ABCB9: variants seen among roughly 807,000 people sequenced by gnomAD.
ABCB9 encodes ABC-type oligopeptide transporter ABCB9.
ABCB9 carries 36 observed loss-of-function variants against 62.0 expected under a neutral mutation model. That is an observed-to-expected ratio of 0.58 (90% CI 0.45 to 0.77). The LOEUF (loss-of-function observed/expected upper bound fraction) is 0.77, where lower values mean the gene tolerates loss of function less well. Among genes scored for constraint, ABCB9 ranks in the 30% least tolerant of loss-of-function variants. The probability of loss-of-function intolerance (pLI) is 0.00; values close to 1 mark genes in which losing one functional copy is unlikely to be tolerated. For synonymous variants in ABCB9, 435 were observed against 461.4 expected (o/e 0.94, Z 0.73); for missense variants, 943 against 1,054.7 (o/e 0.89, Z 1.47).
At chr12:122,966,827 T>A (rs72559425), upstream of ABCB9, among the ~76,000 whole-genome samples, 4 of 152,326 alleles carry the variant, frequency 2.6e-5, no homozygotes, top group East Asian at 7.7e-4. Context: ...CCTTTTTCCC[T>A]GGAGGGACAG....
At chr12:122,955,375 G>A (rs917063090) in intron 2 of ABCB9, among the ~76,000 whole-genome samples, 2 of 152,188 alleles carry the variant, frequency 1.3e-5, no homozygotes, top group East Asian at 1.9e-4. Context: ...CCAGCAGGTC[G>A]GGTAAACAAG....
intron 10 of ABCB9, among the ~76,000 whole-genome samples, chr12:122,934,526 A>G (rs1160708520): frequency 6.6e-6 from 1 of 151,884 alleles, no homozygotes; most frequent in Non-Finnish European, 1.5e-5. Context: ...CCGTCTCTAC[A>G]ACAAAAATAA....
chr12:122,932,268 C>T lies in ABCB9; in HGVS notation c.1964G>A (p.Arg655Gln), dbSNP rs781448322. ...GGQKQRVAMA[R>Q]ALVRNPPVLI... ...GACTGGGGGGTTCCGCACCAGAGCC[C>T]GGGCCATGGCCACCCGCTGCTTCTG... Residue 655 changes from arginine (R) to glutamine (Q), a missense_variant, in exon 11 of 12, where the codon CGG becomes CAG. Coordinates refer to ENST00000280560, the MANE Select transcript of ABCB9 (RefSeq NM_019625.4). This position sits in a 1 kb window ranked among gnomAD's most constrained non-coding sequence, Gnocchi z 4.7. 2.3e-5 allele frequency: 35 copies of T among 1,551,390 alleles called. No homozygotes were observed. Among genetic ancestry groups the T allele is most frequent in the African/African-American group, 6.8e-5 (5 of 73,052 alleles).
downstream of ABCB9, chr12:122,924,430 TCATAGCC>T (rs1299307799): frequency 3.2e-6 from 1 of 311,808 alleles, no homozygotes; most frequent in African/African-American, 2.1e-5. Context: ...AGTGGCACGA[TCATAGCC>T]CATGGCAGCC....
chr12:122,929,822 G>T lies in ABCB9; in HGVS notation c.*89C>A, dbSNP rs1293839540. ...TCGTCTTTCAGTGCTGCAGGCCTGGGCTCGGAGGGCAGCTGGGGGCCTCCG... is the reference window on the plus strand; with the variant it reads ...TCGTCTTTCAGTGCTGCAGGCCTGGTCTCGGAGGGCAGCTGGGGGCCTCCG... On this transcript the variant is annotated 3_prime_UTR_variant, in exon 12 of 12. Transcript: ENST00000280560. This position sits in a 1 kb window ranked among gnomAD's most constrained non-coding sequence, Gnocchi z 6.0. The T allele has an allele frequency of 3.5e-6, 5 of 1,443,074 alleles. No homozygotes were observed. Among genetic ancestry groups the T allele is most frequent in the Admixed American group, 2.8e-5 (1 of 35,824 alleles). The allele number at this position is 1,443,074 out of a possible 1,614,324, so 89.4% of individuals were successfully genotyped here. A position where few individuals can be genotyped will look rare whatever the true frequency, so the allele number is the denominator to read the frequency against.
In ABCB9 at chr12:122,929,104, G is replaced by A. The variant is rs1236410728; in HGVS notation, c.*807C>T. 1.0e-6 allele frequency: 1 copy of A among 983,544 alleles called. No homozygotes were observed. Among genetic ancestry groups the A allele is most frequent in the Non-Finnish European group, 1.2e-6 (1 of 829,276 alleles). The allele number at this position is 983,544 out of a possible 1,614,324, so 60.9% of individuals were successfully genotyped here. A position where few individuals can be genotyped will look rare whatever the true frequency, so the allele number is the denominator to read the frequency against. On this transcript the variant is annotated 3_prime_UTR_variant, in exon 12 of 12. Coordinates refer to ENST00000280560, the MANE Select transcript of ABCB9 (RefSeq NM_019625.4). This position sits in a 1 kb window ranked among gnomAD's most constrained non-coding sequence, Gnocchi z 6.0. ...CATCCCATCCACCAAAGACAGAAGAGAATGCATCTCATGAACATCCACGTG... is the reference window on the plus strand; with the variant it reads ...CATCCCATCCACCAAAGACAGAAGAAAATGCATCTCATGAACATCCACGTG...
chr12:122,970,046 A>C (rs1241630745), upstream of ABCB9, among the ~76,000 whole-genome samples: 1 of 152,182 alleles, frequency 6.6e-6, no homozygotes, highest in African/African-American at 2.4e-5. Flanking sequence ...ATTTACGTCT[A>C]CAGAAACACC....
Position 122,947,541 on chromosome 12 carries a change from G to C in ABCB9, c.1053+1083C>G. 6.7e-6 allele frequency: 3 copies of C among 446,936 alleles called. No homozygotes were observed. The highest frequency in any genetic ancestry group is 3.3e-4 in the Middle Eastern group (1 of 3,008). 27.7% of individuals were successfully genotyped at this position (446,936 alleles called of 1,614,324 possible). Reference sequence around the variant, plus strand: ...TCTAGAAGTACCCCACGTGGGCCTGGGTGACTGTGAGGGGGTTGCCTGTAC... The same window carrying C: ...TCTAGAAGTACCCCACGTGGGCCTGCGTGACTGTGAGGGGGTTGCCTGTAC... On this transcript the variant is annotated intron_variant, in intron 5 of 11. Transcript: ENST00000280560. The surrounding 1 kb of genome is among the most constrained non-coding windows in gnomAD (Gnocchi z 6.0).
In ABCB9 at chr12:122,929,028, T is replaced by G; in HGVS notation, c.*883A>C. The G allele has an allele frequency of 2.0e-6, 2 of 985,882 alleles. No homozygotes were observed. The highest frequency in any genetic ancestry group is 2.4e-6 in the Non-Finnish European group (2 of 829,956). The allele number at this position is 985,882 out of a possible 1,614,324, so 61.1% of individuals were successfully genotyped here. On this transcript the variant is annotated 3_prime_UTR_variant, in exon 12 of 12. Coordinates refer to ENST00000280560, the MANE Select transcript of ABCB9 (RefSeq NM_019625.4). This position sits in a 1 kb window ranked among gnomAD's most constrained non-coding sequence, Gnocchi z 6.0. ...AGGTAGTACACTTTATTGACCGGGT[T>G]CTCTCAACATGTTGCAACCTCTGGC...
intron 2 of ABCB9, among the ~76,000 whole-genome samples, chr12:122,957,415 G>A (rs950172737): frequency 1.2e-4 from 18 of 152,144 alleles, no homozygotes; most frequent in African/African-American, 3.6e-4. Context: ...GAGGAGGGAA[G>A]TGAGGCTCAG....
At chr12:122,973,391 C>T (rs1289065816) in intron 1 of ABCB9, among the ~76,000 whole-genome samples, 18 of 148,076 alleles carry the variant, frequency 1.2e-4, no homozygotes, top group Non-Finnish European at 2.2e-4. Context: ...GGTGAAACCC[C>T]GTCTCTACTA....
At chr12:122,951,186 C>T (rs1004667062) in intron 2 of ABCB9, among the ~76,000 whole-genome samples, 1 of 151,718 alleles carries the variant, frequency 6.6e-6, no homozygotes, top group Non-Finnish European at 1.5e-5. Flanking sequence ...TGGAATCACC[C>T]CCATTTTACA....
intron 2 of ABCB9, chr12:122,952,213 T>C (rs1441807820): frequency 1.3e-5 from 2 of 152,286 alleles, no homozygotes; most frequent in African/African-American, 2.4e-5. Flanking sequence ...GTCTGTGGTA[T>C]TTTGTTACAG....
chr12:122,947,397 T>C lies in ABCB9; in HGVS notation c.1054-1175A>G. On this transcript the variant is annotated intron_variant, in intron 5 of 11. Coordinates refer to ENST00000280560, the MANE Select transcript of ABCB9 (RefSeq NM_019625.4). The surrounding 1 kb of genome is among the most constrained non-coding windows in gnomAD (Gnocchi z 6.0). ...GGGAGTGGCCTCACCGGGGGCTGGG[T>C]GGGAGATGGCTTCCTTTGCTACCCT... 1 of 408,250 alleles carries C rather than the reference T, an allele frequency of 2.4e-6. No individual in the cohort carries two copies. Among genetic ancestry groups the C allele is most frequent in the Non-Finnish European group, 5.0e-6 (1 of 198,914 alleles). 25.3% of individuals were successfully genotyped at this position (408,250 alleles called of 1,614,324 possible). A position where few individuals can be genotyped will look rare whatever the true frequency, so the allele number is the denominator to read the frequency against.
At position 122,940,886 on chromosome 12, in the gene ABCB9, G is replaced by A; in HGVS notation, c.1490C>T (p.Pro497Leu). 1 of 1,612,350 alleles carries A rather than the reference G, an allele frequency of 6.2e-7. No individual in the cohort carries two copies. The highest frequency in any genetic ancestry group is 8.5e-7 in the Non-Finnish European group (1 of 1,179,324). Residue 497 changes from proline to leucine, a missense_variant, in exon 8 of 12, where the codon CCC becomes CTC. Transcript: ENST00000280560. This position sits in a 1 kb window ranked among gnomAD's most constrained non-coding sequence, Gnocchi z 4.8. ...PTMVHDGSLA[P>L]DHLEGRVDFE... ...GTCCACCCGGCCCTCCAGGTGGTCG[G>A]GGGCCAAGCTGCCATCGTGCACCAT...
intron 4 of ABCB9, chr12:122,949,373 C>T (rs529142341): frequency 5.8e-5 from 11 of 191,006 alleles, no homozygotes; most frequent in South Asian, 1.1e-4. Flanking sequence ...CGACCCAGGC[C>T]GGTGTCTCTC....
At chr12:122,921,733 C>T (rs796759069) in intron 11 of ABCB9, among the ~76,000 whole-genome samples, 4 of 152,154 alleles carry the variant, frequency 2.6e-5, no homozygotes, top group African/African-American at 7.2e-5. Context: ...GCGGAGATCG[C>T]GCCACTGCAC....
chr12:122,957,282 G>T (rs749383457), intron 2 of ABCB9, among the ~76,000 whole-genome samples: 13 of 152,228 alleles, frequency 8.5e-5, no homozygotes, highest in Middle Eastern at 3.4e-3. Context: ...GGGCTCAAGT[G>T]ATCCTGTAGC....
chr12:122,960,020 A>T lies in ABCB9; in HGVS notation c.216T>A (p.Ser72Arg). 1 of 1,613,380 alleles carries T rather than the reference A, an allele frequency of 6.2e-7. No individual in the cohort carries two copies. The highest frequency in any genetic ancestry group is 8.5e-7 in the Non-Finnish European group (1 of 1,180,012). Reference protein sequence around the residue: ...LGATIGVAKNSALGPRRLRAS... With the variant: ...LGATIGVAKNRALGPRRLRAS... ...CCCGCAGCCGCCGGGGCCCCAGCGC[A>T]CTGTTCTTGGCCACACCAATGGTGG... Residue 72 changes from serine to arginine, a missense_variant, in exon 2 of 12, where the codon AGT becomes AGA. Ser to Arg is a moderately radical substitution (Grantham distance 110, BLOSUM62 -1). Coordinates refer to ENST00000280560, the MANE Select transcript of ABCB9 (RefSeq NM_019625.4).
Sources: gnomAD v4.1 joint callset for allele counts (sites outside exome capture counted in the v4.1 genomes callset) on GRCh38, gnomAD v4.1.1 for gene constraint, Gnocchi (gnomAD v3.1) non-coding constraint, MANE v1.5 for transcripts, NCBI Gene and HGNC (gene_info 2026-07-23, HGNC 2026-07-21) for gene names.